The following WFDC9 variants were observed in gnomAD, a reference collection of about 807,000 sequenced individuals.
WFDC9 encodes the protein WAP four-disulfide core domain 9.
In WFDC9, 9 loss-of-function variants were observed where a neutral mutation model predicts 9.5. The ratio of observed to expected loss-of-function variants is 0.95; its 90% CI spans 0.57 to 1.65. The LOEUF (loss-of-function observed/expected upper bound fraction) is 1.65, where lower values mean the gene tolerates loss of function less well. Among genes scored for constraint, WFDC9 ranks in the 40% most tolerant of loss-of-function variants. The pLI is 0.00. For synonymous variants in WFDC9, 33 were observed against 32.3 expected, an observed-to-expected ratio of 1.02 and a Z score of -0.07; for missense variants, 87 against 106.7, an observed-to-expected ratio of 0.82 and a Z score of 0.81.
chr20:45,621,871 C>G (rs1267990719), intron 1 of WFDC9, among the ~76,000 whole-genome samples: 1 of 152,174 alleles, frequency 6.6e-6, no homozygotes, highest in East Asian at 1.9e-4. Flanking sequence ...GCTTTGTAGT[C>G]TTTCACTGTA....
chr20:45,630,730 C>A, intron 1 of WFDC9: 1 of 933,886 alleles, frequency 1.1e-6, no homozygotes, highest in Non-Finnish European at 1.5e-6. Context: ...TGGTGATGGG[C>A]AGGAAGGTAG....
chr20:45,610,854 C>T (rs1981845170), intron 2 of WFDC9, among the ~76,000 whole-genome samples: 1 of 152,160 alleles, frequency 6.6e-6, no homozygotes, highest in Admixed American at 6.5e-5. Context: ...AAAAGCTTTG[C>T]TCGTGAAAGC....
chr20:45,613,592 C>A (rs943197547), intron 2 of WFDC9, among the ~76,000 whole-genome samples: 1 of 152,164 alleles, frequency 6.6e-6, no homozygotes, highest in Non-Finnish European at 1.5e-5. Context: ...GGTAAGCTGG[C>A]AGAGACACAG....
Position 45,610,196 on chromosome 20 carries a change from G to C in WFDC9, c.-15C>G. ...CAGGGCTTCATGGTGCTCTCTGTGTGTATTTGGGTTAAGTTCTGGCAGAAG... is the reference window on the plus strand; with the variant it reads ...CAGGGCTTCATGGTGCTCTCTGTGTCTATTTGGGTTAAGTTCTGGCAGAAG... On this transcript the variant is annotated 5_prime_UTR_variant, in exon 3 of 5. Transcript: ENST00000326000. The C allele has an allele frequency of 6.2e-7, 1 of 1,612,532 alleles. No individual in the cohort carries two copies. Among genetic ancestry groups the C allele is most frequent in the Middle Eastern group, 1.7e-4 (1 of 6,052 alleles).
At chr20:45,618,361 G>T (rs765921534) in intron 1 of WFDC9, among the ~76,000 whole-genome samples, 1 of 152,084 alleles carries the variant, frequency 6.6e-6, no homozygotes, top group South Asian at 2.1e-4. Context: ...CTGTGTTCCC[G>T]GAGTAGAACT....
chr20:45,609,971 A>G, intron 3 of WFDC9, 120 bp downstream of exon 3: 1 of 729,940 alleles, frequency 1.4e-6, no homozygotes, highest in South Asian at 2.0e-5. Context: ...ATCTTGCTTG[A>G]ATATCTCTAC....
At chr20:45,629,589 G>C in intron 1 of WFDC9, 1 of 415,720 alleles carries the variant, frequency 2.4e-6, no homozygotes. Context: ...TATGTGAAAG[G>C]AGGAGGCGTC....
chr20:45,629,133 C>T (rs2425722), intron 1 of WFDC9, among the ~76,000 whole-genome samples: 1 of 152,026 alleles, frequency 6.6e-6, no homozygotes, highest in African/African-American at 2.4e-5. Context: ...ATATGTATAT[C>T]TGTGTATGTG....
In WFDC9 at chr20:45,608,954, TAA is replaced by T. The variant is rs372079463; in HGVS notation, c.92-146_92-145del. 2.9e-5 allele frequency: 26 copies of T among 907,112 alleles called. No individual in the cohort carries two copies. The African/African-American group carries it at 4.2e-4, about 15-fold the overall frequency. The allele number at this position is 907,112 out of a possible 1,614,324, so 56.2% of individuals were successfully genotyped here. A position where few individuals can be genotyped will look rare whatever the true frequency, so the allele number is the denominator to read the frequency against. ...CCAAGAAAATCCCTTCCTCAAATTATAACCAGTGTCTTGTCACAAGACCATCC... is the reference window on the plus strand; with the variant it reads ...CCAAGAAAATCCCTTCCTCAAATTATCCAGTGTCTTGTCACAAGACCATCC... On this transcript the variant is annotated intron_variant, in intron 3 of 4. Transcript: ENST00000326000.
chr20:45,617,408 T>C (rs779714200), intron 1 of WFDC9, among the ~76,000 whole-genome samples: 34 of 152,152 alleles, frequency 2.2e-4, no homozygotes, highest in South Asian at 4.1e-4. Flanking sequence ...TGAGCACAGA[T>C]TGTGCCACTG....
chr20:45,610,597 A>G (rs1402193127), intron 2 of WFDC9, among the ~76,000 whole-genome samples: 1 of 152,230 alleles, frequency 6.6e-6, no homozygotes, highest in African/African-American at 2.4e-5. Flanking sequence ...TTTTTATGAA[A>G]TTGGACACAT....
At chr20:45,621,498 G>A (rs1465557139) in intron 1 of WFDC9, among the ~76,000 whole-genome samples, 3 of 152,188 alleles carry the variant, frequency 2.0e-5, no homozygotes, top group Admixed American at 6.5e-5. Context: ...CCATAAGCCT[G>A]AATTTTGAGA....
In WFDC9 at chr20:45,610,228, C is replaced by A. The variant is rs895384044; in HGVS notation, c.-47G>T. 6.5e-7 allele frequency: 1 copy of A among 1,542,372 alleles called. No homozygotes were observed. Among genetic ancestry groups the A allele is most frequent in the Non-Finnish European group, 8.9e-7 (1 of 1,117,960 alleles). ...GGTTAAGTTCTGGCAGAAGGCAAGT[C>A]TTTTCCCAATACTGCTAGACGTAGA... On this transcript the variant is annotated 5_prime_UTR_variant, in exon 3 of 5. Transcript: ENST00000326000.
chr20:45,629,809 G>C (rs761443256), intron 1 of WFDC9: 1 of 1,613,352 alleles, frequency 6.2e-7, no homozygotes, highest in Non-Finnish European at 8.5e-7. Context: ...GATCTGATCA[G>C]AGTCATGGCA....
chr20:45,624,763 T>G (rs762196353), intron 1 of WFDC9, among the ~76,000 whole-genome samples: 9 of 152,232 alleles, frequency 5.9e-5, no homozygotes, highest in Non-Finnish European at 1.3e-4. Context: ...ATTGTAGCGA[T>G]CCTGACTGGA....
Position 45,608,069 on chromosome 20 carries a change from T to C in WFDC9, c.*41A>G. On this transcript the variant is annotated 3_prime_UTR_variant, in exon 5 of 5. Coordinates refer to ENST00000326000, the MANE Select transcript of WFDC9 (RefSeq NM_147198.4). ...TAGGCAGCACTCTTCTTAGACCAGA[T>C]GGTCATCCTTCAGCCCACAGTAGTG... 1 of 1,611,870 alleles carries C rather than the reference T, an allele frequency of 6.2e-7. No individual in the cohort carries two copies. Among genetic ancestry groups the C allele is most frequent in the Non-Finnish European group, 8.5e-7 (1 of 1,178,538 alleles).
At chr20:45,621,646 A>AT (rs2145600099) in intron 1 of WFDC9, among the ~76,000 whole-genome samples, 1 of 152,372 alleles carries the variant, frequency 6.6e-6, no homozygotes, top group East Asian at 1.9e-4. Flanking sequence ...AGAAGCTGCT[A>AT]TATGACCAGC....
intron 2 of WFDC9, 40 bp from the exon 3 acceptor site, chr20:45,610,279 G>T: frequency 9.8e-7 from 1 of 1,019,094 alleles, no homozygotes; most frequent in Non-Finnish European, 1.5e-6. Flanking sequence ...AACAGGGTAA[G>T]CAACAGGGGT....
chr20:45,627,582 C>G (rs567216314), intron 1 of WFDC9, among the ~76,000 whole-genome samples: 1 of 152,046 alleles, frequency 6.6e-6, no homozygotes, highest in Non-Finnish European at 1.5e-5. Flanking sequence ...TCCATTTCCT[C>G]TAGGTTTTTG....
Sources: gnomAD v4.1 joint callset for allele counts (sites outside exome capture counted in the v4.1 genomes callset) on GRCh38, gnomAD v4.1.1 for gene constraint, MANE v1.5 for transcripts, NCBI Gene and HGNC (gene_info 2026-07-23, HGNC 2026-07-21) for gene names.